Variants in GNG12 observed in about 807,000 individuals in gnomAD.
GNG12 encodes the protein G protein subunit gamma 12, also known as guanine nucleotide-binding protein G(I)/G(S)/G(O) subunit gamma-12.
For missense variants in GNG12, 69 were observed against 83.8 expected (o/e 0.82, Z 0.69); for synonymous variants, 28 against 29.7 (o/e 0.94, Z 0.19).
intron 2 of GNG12, among the ~76,000 whole-genome samples, chr1:67,714,102 T>TTG (rs754409785): frequency 2.2e-4 from 34 of 152,152 alleles, no homozygotes; most frequent in Non-Finnish European, 4.6e-4. Flanking sequence ...GTTAACTCCA[T>TTG]TGTGTGTGTG....
chr1:67,735,504 G>A (rs749832797), intron 2 of GNG12, among the ~76,000 whole-genome samples: 3 of 152,282 alleles, frequency 2.0e-5, no homozygotes, highest in South Asian at 2.1e-4. Context: ...TGGAGCCTGC[G>A]TCCTCATCTG....
chr1:67,752,319 T>C (rs530298493), intron 2 of GNG12, among the ~76,000 whole-genome samples: 16 of 152,316 alleles, frequency 1.1e-4, no homozygotes, highest in Admixed American at 1.0e-3. Context: ...AGGGCAGCTG[T>C]CCAGAAGTAG....
At chr1:67,720,504 C>T (rs1646350865) in intron 2 of GNG12, among the ~76,000 whole-genome samples, 1 of 152,162 alleles carries the variant, frequency 6.6e-6, no homozygotes, top group Non-Finnish European at 1.5e-5. Flanking sequence ...AGCCAGATAT[C>T]TCATGTGCTT....
chr1:67,779,643 T>C (rs968668763), intron 1 of GNG12, among the ~76,000 whole-genome samples: 14 of 152,202 alleles, frequency 9.2e-5, no homozygotes, highest in African/African-American at 3.4e-4. Context: ...GTGAACATCC[T>C]TGACTGCCTC....
intron 1 of GNG12, among the ~76,000 whole-genome samples, chr1:67,817,697 G>C (rs1325420267): frequency 6.6e-6 from 1 of 152,122 alleles, no homozygotes; most frequent in African/African-American, 2.4e-5. Context: ...AGGGAAGAAA[G>C]GGAAGGCAGC....
intron 2 of GNG12, among the ~76,000 whole-genome samples, chr1:67,719,150 C>A (rs986921061): frequency 6.6e-6 from 1 of 152,144 alleles, no homozygotes; most frequent in African/African-American, 2.4e-5. Context: ...GAGTGTTACC[C>A]CATTTCCTGG....
chr1:67,707,755 A>G lies in GNG12; in HGVS notation c.-26-43T>C. 1.1e-5 allele frequency: 10 copies of G among 932,704 alleles called. No individual in the cohort carries two copies. The South Asian group carries it at 1.3e-4, about 13-fold the overall frequency. 57.8% of individuals were successfully genotyped at this position (932,704 alleles called of 1,614,324 possible). On this transcript the variant is annotated intron_variant, in intron 2 of 3. Transcript: ENST00000370982. ...TAAAGACAAGTAACAGGCATCTTTA[A>G]GTTATTTAAACATTCATAATAATAT...
At chr1:67,748,665 G>C (rs528337790) in intron 2 of GNG12, among the ~76,000 whole-genome samples, 1 of 152,250 alleles carries the variant, frequency 6.6e-6, no homozygotes, top group African/African-American at 2.4e-5. Context: ...AGTCCCTACA[G>C]AAACTGAGAA....
rs542407243 is a variant in GNG12 at position 67,718,664 on chromosome 1, A to C, written c.-26-10952T>G. On this transcript the variant is annotated intron_variant, in intron 2 of 3. Coordinates refer to ENST00000370982, the MANE Select transcript of GNG12 (RefSeq NM_018841.6). ...CCTGAGTCTTGGCTCTCTGCAGCTC[A>C]GGTCAGGGCTACCGCCTGAGCCTTG... Among the ~76,000 whole-genome samples the C allele has an allele frequency of 3.4e-5, 5 of 148,436 alleles. No homozygotes were observed. In the East Asian group the frequency reaches 9.9e-4, roughly 29 times the overall value.
chr1:67,775,284 C>T (rs1570537624), intron 2 of GNG12, among the ~76,000 whole-genome samples: 1 of 152,318 alleles, frequency 6.6e-6, no homozygotes, highest in East Asian at 1.9e-4. Flanking sequence ...AGTAAGGTTC[C>T]AGAGCCAGGC....
At chr1:67,723,607 G>T (rs900020370) in intron 2 of GNG12, among the ~76,000 whole-genome samples, 3 of 152,012 alleles carry the variant, frequency 2.0e-5, no homozygotes, top group Non-Finnish European at 4.4e-5. Flanking sequence ...TTGTTCTAAG[G>T]GCTTTACAGA....
intron 1 of GNG12, among the ~76,000 whole-genome samples, chr1:67,790,057 A>ATC (rs1451602444): frequency 5.3e-5 from 8 of 152,246 alleles, no homozygotes; most frequent in Non-Finnish European, 1.2e-4. Flanking sequence ...CTTTTCCTGT[A>ATC]TCATCAAGAG....
intron 2 of GNG12, among the ~76,000 whole-genome samples, chr1:67,736,677 G>A (rs1012212963): frequency 3.3e-5 from 5 of 152,328 alleles, no homozygotes; most frequent in Admixed American, 1.3e-4. Context: ...AACCATCCAT[G>A]TGGTGGGGAC....
intron 2 of GNG12, among the ~76,000 whole-genome samples, chr1:67,733,365 G>C (rs1222529085): frequency 6.6e-6 from 1 of 152,172 alleles, no homozygotes; most frequent in Non-Finnish European, 1.5e-5. Flanking sequence ...GGTAACTATT[G>C]TCAATATAGT....
At chr1:67,795,885 A>G (rs1252223047) in intron 1 of GNG12, among the ~76,000 whole-genome samples, 1 of 152,248 alleles carries the variant, frequency 6.6e-6, no homozygotes, top group Non-Finnish European at 1.5e-5. Context: ...CACTAACTCC[A>G]GCTATGCAAA....
intron 1 of GNG12, among the ~76,000 whole-genome samples, chr1:67,802,092 AC>A (rs1028171493): frequency 4.6e-5 from 7 of 152,184 alleles, no homozygotes; most frequent in Admixed American, 1.3e-4. Context: ...TGGTTTCTTG[AC>A]CAGAGAATGA....
At chr1:67,713,495 G>C (rs1402231578) in intron 2 of GNG12, among the ~76,000 whole-genome samples, 1 of 152,098 alleles carries the variant, frequency 6.6e-6, no homozygotes, top group Non-Finnish European at 1.5e-5. Flanking sequence ...GAGCAGGGTG[G>C]GGATGGAAAG....
intron 1 of GNG12, among the ~76,000 whole-genome samples, chr1:67,797,126 G>A (rs944938737): frequency 6.6e-6 from 1 of 152,136 alleles, no homozygotes; most frequent in Non-Finnish European, 1.5e-5. Context: ...ATGAGATTTG[G>A]AGGGGACAAA....
intron 1 of GNG12, among the ~76,000 whole-genome samples, chr1:67,804,450 C>G (rs1030517911): frequency 6.6e-6 from 1 of 152,090 alleles, no homozygotes; most frequent in African/African-American, 2.4e-5. Flanking sequence ...TAACTCTGTC[C>G]AGTTGAGACA....
Sources: allele counts gnomAD v4.1 joint callset (sites outside exome capture counted in the v4.1 genomes callset), GRCh38; gene constraint gnomAD v4.1.1; transcripts MANE v1.5; gene names NCBI Gene and HGNC (gene_info 2026-07-23, HGNC 2026-07-21).